ABTB3: variants seen among roughly 807,000 people sequenced by gnomAD.
The protein encoded by ABTB3 is ankyrin repeat and BTB domain containing 3.
the ABTB3 span, among the ~76,000 whole-genome samples, chr12:107,555,462 GC>G: frequency 6.6e-6 from 1 of 152,176 alleles, no homozygotes; most frequent in Non-Finnish European, 1.5e-5. Context: ...AGATGGATAG[GC>G]TGCACTTGTT....
the ABTB3 span, among the ~76,000 whole-genome samples, chr12:107,450,175 A>G: frequency 1.3e-5 from 2 of 152,086 alleles, no homozygotes; most frequent in Admixed American, 6.5e-5. Flanking sequence ...GTTCTTTCTT[A>G]TGACTTTTTT....
the ABTB3 span, among the ~76,000 whole-genome samples, chr12:107,475,843 A>G: frequency 2.6e-5 from 4 of 151,966 alleles, no homozygotes; most frequent in African/African-American, 9.7e-5. Context: ...GCCACTGTGG[A>G]TGAATTTTTG....
At chr12:107,655,234 G>A in the ABTB3 span, among the ~76,000 whole-genome samples, 3 of 150,682 alleles carry the variant, frequency 2.0e-5, no homozygotes, top group Non-Finnish European at 4.4e-5. Flanking sequence ...GAACACCTAT[G>A]GCAGAGAAAC....
the ABTB3 span, among the ~76,000 whole-genome samples, chr12:107,420,609 G>A: frequency 2.0e-5 from 3 of 152,108 alleles, no homozygotes; most frequent in Non-Finnish European, 4.4e-5. Flanking sequence ...ATGAGATTTG[G>A]GTGGGGACAC....
chr12:107,459,855 G>A, the ABTB3 span, among the ~76,000 whole-genome samples: 2 of 152,246 alleles, frequency 1.3e-5, no homozygotes, highest in Non-Finnish European at 2.9e-5. Context: ...GCCCTCCAGA[G>A]TGCCCCCTAC....
chr12:107,542,068 G>A, the ABTB3 span, among the ~76,000 whole-genome samples: 2 of 152,084 alleles, frequency 1.3e-5, no homozygotes, highest in African/African-American at 4.8e-5. Flanking sequence ...CCAGTACTTT[G>A]GGAGGCCAAG....
chr12:107,507,705 A>G, the ABTB3 span, among the ~76,000 whole-genome samples: 65 of 152,076 alleles, frequency 4.3e-4, no homozygotes, highest in Admixed American at 4.1e-3. Context: ...ACAATGCACC[A>G]TGAGTTTTCT....
chr12:107,429,783 T>C, the ABTB3 span, among the ~76,000 whole-genome samples: 3 of 152,226 alleles, frequency 2.0e-5, no homozygotes. Flanking sequence ...CCTGTCAGTG[T>C]TCTGTGGATA....
the ABTB3 span, among the ~76,000 whole-genome samples, chr12:107,406,303 G>A: frequency 0.022 from 3,345 of 152,244 alleles, 55 homozygotes; most frequent in Non-Finnish European, 0.028. Flanking sequence ...GAAAGCATGC[G>A]CCTGTAGTCC....
At chr12:107,405,695 G>A in the ABTB3 span, among the ~76,000 whole-genome samples, 1 of 152,246 alleles carries the variant, frequency 6.6e-6, no homozygotes, top group East Asian at 1.9e-4. Context: ...CCCTGGGGGG[G>A]CTGTGCTGAA....
chr12:107,619,004 C>T, the ABTB3 span, among the ~76,000 whole-genome samples: 1 of 152,176 alleles, frequency 6.6e-6, no homozygotes, highest in Non-Finnish European at 1.5e-5. Flanking sequence ...GCTAGCCTAG[C>T]CTTCACCAGC....
chr12:107,398,188 A>G, the ABTB3 span, among the ~76,000 whole-genome samples: 1 of 152,064 alleles, frequency 6.6e-6, no homozygotes, highest in East Asian at 2.0e-4. Flanking sequence ...TCCCACCGAG[A>G]ACAGAAAGCC....
At chr12:107,497,236 A>G in the ABTB3 span, among the ~76,000 whole-genome samples, 1 of 138,460 alleles carries the variant, frequency 7.2e-6, no homozygotes, top group Admixed American at 7.2e-5. Context: ...TACGCTCACC[A>G]CCACCACCAT....
the ABTB3 span, among the ~76,000 whole-genome samples, chr12:107,574,472 C>T: frequency 6.6e-6 from 1 of 152,204 alleles, no homozygotes; most frequent in Admixed American, 6.5e-5. Flanking sequence ...CCTCTAATCC[C>T]AGCTCTTTGG....
At chr12:107,585,823 A>G in the ABTB3 span, among the ~76,000 whole-genome samples, 1 of 152,192 alleles carries the variant, frequency 6.6e-6, no homozygotes. Flanking sequence ...TGCCCGACCC[A>G]CACAGGACAT....
the ABTB3 span, among the ~76,000 whole-genome samples, chr12:107,623,206 C>T: frequency 6.7e-6 from 1 of 149,622 alleles, no homozygotes; most frequent in Non-Finnish European, 1.5e-5. Flanking sequence ...GACTATAGGC[C>T]CACGCCACCA....
At chr12:107,421,565 A>G in the ABTB3 span, among the ~76,000 whole-genome samples, 1 of 152,234 alleles carries the variant, frequency 6.6e-6, no homozygotes, top group South Asian at 2.1e-4. Context: ...GCTTCAGAGA[A>G]AAGGAAATCA....
At chr12:107,380,076 A>G in the ABTB3 span, among the ~76,000 whole-genome samples, 1 of 152,100 alleles carries the variant, frequency 6.6e-6, no homozygotes, top group Non-Finnish European at 1.5e-5. Context: ...GTGACCCTTA[A>G]AAGACCTGCC....
chr12:107,386,890 AGTGTGTGTGTGTGTGT>A, the ABTB3 span, among the ~76,000 whole-genome samples: 1 of 143,262 alleles, frequency 7.0e-6, no homozygotes, highest in Non-Finnish European at 1.5e-5. Flanking sequence ...GGAAATGGAA[AGTGTGTGTGTGTGTGT>A]GTGTGTGTGT....
Sources: gnomAD v4.1 joint callset for allele counts (sites outside exome capture counted in the v4.1 genomes callset) on GRCh38, gnomAD v4.1.1 for gene constraint, MANE v1.5 for transcripts, NCBI Gene and HGNC (gene_info 2026-07-23, HGNC 2026-07-21) for gene names.